The following NXN variants were observed in gnomAD, a reference collection of about 807,000 sequenced individuals.
The protein encoded by NXN is nucleoredoxin 1.
In NXN, 16 loss-of-function variants were observed where a neutral mutation model predicts 48.6. That is an observed-to-expected ratio of 0.33 (90% CI 0.22 to 0.50). The LOEUF is 0.50. NXN is among the 20% of genes least tolerant of loss of function. The probability of loss-of-function intolerance (pLI) is 0.98; values close to 1 mark genes in which losing one functional copy is unlikely to be tolerated. For synonymous variants in NXN, 281 were observed against 269.6 expected (o/e 1.04, Z -0.41); for missense variants, 492 against 605.5 (o/e 0.81, Z 1.97).
At chr17:934,057 C>T (rs1340312817) in intron 1 of NXN, among the ~76,000 whole-genome samples, 1 of 152,224 alleles carries the variant, frequency 6.6e-6, no homozygotes, top group Non-Finnish European at 1.5e-5. Context: ...TTTTATTTTT[C>T]ACTTTATGAT....
intron 1 of NXN, among the ~76,000 whole-genome samples, chr17:912,094 C>T (rs1016475893): frequency 3.9e-5 from 6 of 151,996 alleles, no homozygotes; most frequent in African/African-American, 1.2e-4. Flanking sequence ...CCCGCTACCA[C>T]GCACGGCTAA....
In NXN at chr17:922,990, G is replaced by A. The variant is rs117572715; in HGVS notation, c.360+56329C>T. 7.9e-4 allele frequency among the ~76,000 whole-genome samples: 120 copies of A among 152,024 alleles called. No individual in the cohort carries two copies. The East Asian group carries it at 0.023, about 29-fold the overall frequency. ...TACAAGGTGCCGTGTGTGGCTCCCA[G>A]GGCCTGAGCTGGGAGCCCAGAGTCT... is the stretch of plus-strand genomic sequence containing the variant. On this transcript the variant is annotated intron_variant, in intron 1 of 7. Coordinates refer to ENST00000336868, the MANE Select transcript of NXN (RefSeq NM_022463.5).
In NXN at chr17:917,841, A is replaced by AG. The variant is rs553147622; in HGVS notation, c.360+61477dup. Among the ~76,000 whole-genome samples the AG allele has an allele frequency of 3.6e-3, 555 of 152,260 alleles. 2 individuals are homozygous for AG. The highest frequency in any genetic ancestry group is 6.8e-3 in the Middle Eastern group (2 of 294). Reference sequence around the variant, plus strand: ...TGGGAAAGGGGATAAGCGACAGGAGAGGGGGGACTCCCGTTCCAAACAAAG... The same window carrying AG: ...TGGGAAAGGGGATAAGCGACAGGAGAGGGGGGGACTCCCGTTCCAAACAAAG... On this transcript the variant is annotated intron_variant, in intron 1 of 7. Coordinates refer to ENST00000336868, the MANE Select transcript of NXN (RefSeq NM_022463.5). The surrounding 1 kb of genome is among the most constrained non-coding windows in gnomAD (Gnocchi z 4.5).
chr17:929,965 GAAAAA>G (rs35867746), intron 1 of NXN: 1 of 142,236 alleles, frequency 7.0e-6, no homozygotes, highest in Admixed American at 7.1e-5. Flanking sequence ...CTGAACTACA[GAAAAA>G]AAAAAAAAAC....
chr17:917,343 A>G lies in NXN; in HGVS notation c.360+61976T>C, dbSNP rs2144940782. On this transcript the variant is annotated intron_variant, in intron 1 of 7. Coordinates refer to ENST00000336868, the MANE Select transcript of NXN (RefSeq NM_022463.5). The surrounding 1 kb of genome is among the most constrained non-coding windows in gnomAD (Gnocchi z 4.5). ...TTTTTAGTAGAGACGGGGTTTCACC[A>G]TGTTGGCCAGGCTGGTCTCAATCTC... Among the ~76,000 whole-genome samples, 1 of 152,262 alleles carries G rather than the reference A, an allele frequency of 6.6e-6. No individual in the cohort carries two copies. The highest frequency in any genetic ancestry group is 2.1e-4 in the South Asian group (1 of 4,818).
At chr17:892,260 C>T (rs1393464026) in intron 1 of NXN, among the ~76,000 whole-genome samples, 1 of 151,890 alleles carries the variant, frequency 6.6e-6, no homozygotes, top group African/African-American at 2.4e-5. Flanking sequence ...CATGCACAAC[C>T]CAACAGGGAA....
chr17:868,234 C>T (rs568968390), intron 1 of NXN, among the ~76,000 whole-genome samples: 9 of 152,250 alleles, frequency 5.9e-5, no homozygotes, highest in South Asian at 4.1e-4. Context: ...CACCCTTCCC[C>T]GGAATTCCCC....
At chr17:940,620 A>G (rs901322325) in intron 1 of NXN, among the ~76,000 whole-genome samples, 2 of 151,990 alleles carry the variant, frequency 1.3e-5, no homozygotes. Context: ...AGGACCCTTA[A>G]AAACAAGATT....
At position 912,813 on chromosome 17, in the gene NXN, G is replaced by A. The variant is rs191452943; in HGVS notation, c.360+66506C>T. ...ACTAAAAATACGAAAAATTAGCCGG[G>A]CGTGGTGGTACGTGTCTGTAATCCC... is the stretch of plus-strand genomic sequence containing the variant. On this transcript the variant is annotated intron_variant, in intron 1 of 7. Transcript: ENST00000336868. Among the ~76,000 whole-genome samples, 21 of 152,154 alleles carry A rather than the reference G, an allele frequency of 1.4e-4. 1 individual carries two copies. The East Asian group carries it at 3.9e-3, about 28-fold the overall frequency.
At chr17:858,523 C>T (rs1332961675) in intron 1 of NXN, among the ~76,000 whole-genome samples, 1 of 151,376 alleles carries the variant, frequency 6.6e-6, no homozygotes, top group East Asian at 2.0e-4. Context: ...GTCAGGAGAT[C>T]GAGACCATCC....
rs2068727912 is a variant in NXN at position 919,895 on chromosome 17, C to G, written c.360+59424G>C. Among the ~76,000 whole-genome samples the G allele has an allele frequency of 6.6e-6, 1 of 152,094 alleles. No homozygotes were observed. Among genetic ancestry groups the G allele is most frequent in the East Asian group, 1.9e-4 (1 of 5,194 alleles). On this transcript the variant is annotated intron_variant, in intron 1 of 7. Transcript: ENST00000336868. This position sits in a 1 kb window ranked among gnomAD's most constrained non-coding sequence, Gnocchi z 5.1. Reference sequence around the variant, plus strand: ...TCTTGTCACCTTGCAGACTGGTATTCACTAACCCCCAGGCCATGGCGGAAA... The same window carrying G: ...TCTTGTCACCTTGCAGACTGGTATTGACTAACCCCCAGGCCATGGCGGAAA...
chr17:969,986 G>A (rs1164545038), intron 1 of NXN, among the ~76,000 whole-genome samples: 1 of 152,174 alleles, frequency 6.6e-6, no homozygotes, highest in African/African-American at 2.4e-5. Context: ...GGAGCAGGGG[G>A]AGAGGCTGAC....
At chr17:901,531 T>C (rs1318192637) in intron 1 of NXN, among the ~76,000 whole-genome samples, 1 of 152,050 alleles carries the variant, frequency 6.6e-6, no homozygotes, top group East Asian at 1.9e-4. Context: ...GGGATCTACC[T>C]CCAACAACAG....
intron 1 of NXN, among the ~76,000 whole-genome samples, chr17:840,129 C>A (rs1391585827): frequency 6.6e-6 from 1 of 151,370 alleles, no homozygotes; most frequent in Non-Finnish European, 1.5e-5. Context: ...GAGAATATTA[C>A]CATTTCTACT....
intron 1 of NXN, among the ~76,000 whole-genome samples, chr17:887,776 C>G (rs941037001): frequency 4.0e-5 from 6 of 149,250 alleles, no homozygotes; most frequent in African/African-American, 1.6e-4. Flanking sequence ...TTTCTACATG[C>G]CTTTTCCACC....
intron 1 of NXN, among the ~76,000 whole-genome samples, chr17:930,629 T>G (rs1715460325): frequency 6.6e-6 from 1 of 152,036 alleles, no homozygotes; most frequent in Non-Finnish European, 1.5e-5. Context: ...GGAGACCTGA[T>G]GGGCAGGATA....
intron 1 of NXN, among the ~76,000 whole-genome samples, chr17:968,958 A>AAAAAG (rs903179276): frequency 6.6e-6 from 1 of 152,036 alleles, no homozygotes; most frequent in African/African-American, 2.4e-5. Flanking sequence ...AGAAAGAAAG[A>AAAAAG]AAAAGAAAAG....
At chr17:931,919 G>A (rs1004385478) in intron 1 of NXN, among the ~76,000 whole-genome samples, 3 of 152,118 alleles carry the variant, frequency 2.0e-5, no homozygotes, top group Non-Finnish European at 4.4e-5. Flanking sequence ...CGAGGCGGGG[G>A]GATCACTCGA....
At chr17:938,114 G>A (rs575676224) in intron 1 of NXN, among the ~76,000 whole-genome samples, 19 of 152,372 alleles carry the variant, frequency 1.2e-4, no homozygotes, top group Non-Finnish European at 2.6e-4. Context: ...CAAATACACA[G>A]AGGTTAAGGG....
Sources: gnomAD v4.1 joint callset for allele counts (sites outside exome capture counted in the v4.1 genomes callset) on GRCh38, gnomAD v4.1.1 for gene constraint, Gnocchi (gnomAD v3.1) non-coding constraint, MANE v1.5 for transcripts, NCBI Gene and HGNC (gene_info 2026-07-23, HGNC 2026-07-21) for gene names.